Variants in FOXN1 observed in about 807,000 individuals in gnomAD.
FOXN1 encodes forkhead box protein N1.
FOXN1 carries 15 observed loss-of-function variants against 49.0 expected under a neutral mutation model. The observed-to-expected ratio is 0.31, with a 90% confidence interval of 0.20 to 0.47. FOXN1 has a LOEUF of 0.47. Among genes scored for constraint, FOXN1 ranks in the 20% least tolerant of loss-of-function variants. FOXN1 has a pLI of 1.00. For synonymous variants in FOXN1, 356 were observed against 369.0 expected (o/e 0.96, Z 0.40); for missense variants, 800 against 842.8 (o/e 0.95, Z 0.63).
intron 1 of FOXN1, among the ~76,000 whole-genome samples, chr17:28,507,070 G>A (rs987942348): frequency 1.3e-5 from 2 of 152,174 alleles, no homozygotes; most frequent in Non-Finnish European, 2.9e-5. Context: ...GGGCAGAGTC[G>A]CCTCCTATCC....
At chr17:28,528,309 A>G (rs1234309272) in intron 4 of FOXN1, among the ~76,000 whole-genome samples, 1 of 152,174 alleles carries the variant, frequency 6.6e-6, no homozygotes. Flanking sequence ...GGTCTGACCC[A>G]GGGTAGAGGA....
chr17:28,518,728 C>G (rs932199018), intron 1 of FOXN1, among the ~76,000 whole-genome samples: 1 of 152,120 alleles, frequency 6.6e-6, no homozygotes, highest in Non-Finnish European at 1.5e-5. Context: ...GGTCTTTGGT[C>G]AAGGTTTTGC....
Position 28,538,552 on chromosome 17 carries a change from CACCTG to C in FOXN1, c.*1117_*1121del. ...TGTAGCCCCATCATAAGTTGAGGAG[CACCTG>C]TTAGTTACTTCCAACTGTCTCAGGC... On this transcript the variant is annotated 3_prime_UTR_variant, in exon 9 of 9. Coordinates refer to ENST00000579795, the MANE Select transcript of FOXN1 (RefSeq NM_001369369.1). 6.6e-6 allele frequency: 1 copy of C among 152,214 alleles called. No individual in the cohort carries two copies. The highest frequency in any genetic ancestry group is 1.5e-5 in the Non-Finnish European group (1 of 68,040). 9.4% of individuals were successfully genotyped at this position (152,214 alleles called of 1,614,324 possible).
chr17:28,524,709 C>A lies in FOXN1; in HGVS notation c.330C>A (p.Ser110Arg). ...TTGGCTTTGAGGAGGCCGCAGCAAG[C>A]AGCCCTGGGCGATTCCTCAAGGGCA... Reference protein sequence around the residue: ...PGFGFEEAAASSPGRFLKGSH... With the variant: ...PGFGFEEAAARSPGRFLKGSH... The change falls in exon 3 of 9, where the codon AGC becomes AGA. Residue 110 changes from serine (S) to arginine (R), a missense_variant. Around this residue, in one of 3 missense-constraint regions of FOXN1, gnomAD observed 383 missense variants for 357.9 expected, o/e 1.07. Transcript: ENST00000579795. 6.2e-7 allele frequency: 1 copy of A among 1,612,552 alleles called. No individual in the cohort carries two copies. The highest frequency in any genetic ancestry group is 8.5e-7 in the Non-Finnish European group (1 of 1,179,462).
At chr17:28,518,604 G>A (rs2069578984) in intron 1 of FOXN1, among the ~76,000 whole-genome samples, 1 of 152,206 alleles carries the variant, frequency 6.6e-6, no homozygotes, top group Non-Finnish European at 1.5e-5. Flanking sequence ...TCAAGTCAAA[G>A]GGCCGTTTCT....
chr17:28,527,387 T>C lies in FOXN1; in HGVS notation c.699+26T>C, dbSNP rs779412826. ...GTGGGTCTGGGGCAAGTGGGCCTGC[T>C]TCCCCCAGGTCTGAGGATATCGTGT... On this transcript the variant is annotated intron_variant, in intron 4 of 8. Coordinates refer to ENST00000579795, the MANE Select transcript of FOXN1 (RefSeq NM_001369369.1). 3 of 1,317,928 alleles carry C rather than the reference T, an allele frequency of 2.3e-6. No homozygotes were observed. The East Asian group carries it at 7.0e-5, about 31-fold the overall frequency. 81.6% of individuals were successfully genotyped at this position (1,317,928 alleles called of 1,614,324 possible).
chr17:28,513,698 T>C (rs1401569949), intron 1 of FOXN1, among the ~76,000 whole-genome samples: 1 of 152,226 alleles, frequency 6.6e-6, no homozygotes, highest in Admixed American at 6.5e-5. Context: ...TGGGAGTATT[T>C]ATACCTCGAT....
rs368285745 is a variant in FOXN1, at chr17:28,527,351, C to G, written c.689C>G (p.Pro230Arg). ...CATATGTACTGCTCCTCCCAGCCCC[C>G]CTTCCACCAGGTGGGTCTGGGGCAA... is the stretch of plus-strand genomic sequence containing the variant. The part of the protein sequence containing the change: ...LQHMYCSSQP[P>R]FHQYSPGGGS... Residue 230 changes from proline to arginine, a missense_variant, in exon 4 of 9, where the codon CCC becomes CGC. Pro to Arg is a moderately radical substitution (Grantham distance 103). Transcript: ENST00000579795. The G allele has an allele frequency of 6.6e-5, 106 of 1,608,418 alleles. 1 individual carries two copies. The East Asian group carries it at 1.3e-3, about 19-fold the overall frequency.
intron 6 of FOXN1, among the ~76,000 whole-genome samples, chr17:28,533,812 C>T (rs552554014): frequency 2.6e-5 from 4 of 152,210 alleles, no homozygotes; most frequent in East Asian, 1.9e-4. Context: ...TCACCAACCT[C>T]GCCCATCTTT....
chr17:28,531,091 C>T (rs2069902021), intron 6 of FOXN1, among the ~76,000 whole-genome samples: 1 of 152,216 alleles, frequency 6.6e-6, no homozygotes, highest in Admixed American at 6.5e-5. Context: ...GGAGTCAGAC[C>T]TTCTGCTGGG....
chr17:28,528,792 C>G (rs559365092), intron 4 of FOXN1, among the ~76,000 whole-genome samples: 4 of 152,266 alleles, frequency 2.6e-5, no homozygotes, highest in Admixed American at 6.5e-5. Flanking sequence ...GTGCAGGGGC[C>G]GAGGGCTTCA....
intron 1 of FOXN1, among the ~76,000 whole-genome samples, chr17:28,519,616 G>A (rs1405647296): frequency 1.3e-5 from 2 of 152,196 alleles, no homozygotes; most frequent in Non-Finnish European, 2.9e-5. Flanking sequence ...AACTGGAACA[G>A]GCAGGATAAA....
At position 28,535,209 on chromosome 17, in the gene FOXN1, G is replaced by T; in HGVS notation, c.1627+11G>T. Reference sequence around the variant, plus strand: ...ACTTCGACTTCCAGGGTGAGCTGGGGGTGGGAAAGGGAAGGTGGGACAGGA... The same window carrying T: ...ACTTCGACTTCCAGGGTGAGCTGGGTGTGGGAAAGGGAAGGTGGGACAGGA... On this transcript the variant is annotated intron_variant, in intron 8 of 8. Transcript: ENST00000579795. 1.2e-6 allele frequency: 2 copies of T among 1,611,978 alleles called. No homozygotes were observed. The highest frequency in any genetic ancestry group is 1.7e-6 in the Non-Finnish European group (2 of 1,179,858).
intron 1 of FOXN1, 59 bp downstream of exon 1, chr17:28,506,502 G>A (rs1259058803): frequency 3.3e-5 from 5 of 152,464 alleles, no homozygotes; most frequent in African/African-American, 9.6e-5. Context: ...GCTGGGGCAC[G>A]GGGAGGGCGT....
intron 1 of FOXN1, among the ~76,000 whole-genome samples, chr17:28,521,276 G>C (rs1163453874): frequency 6.6e-6 from 1 of 152,192 alleles, no homozygotes; most frequent in Non-Finnish European, 1.5e-5. Flanking sequence ...TACCCCACCT[G>C]CAGGGAGGGG....
intron 8 of FOXN1, 104 bp from the exon 9 acceptor site, chr17:28,537,013 T>C (rs2070082996): frequency 2.2e-6 from 2 of 910,172 alleles, no homozygotes; most frequent in Non-Finnish European, 1.8e-6. Flanking sequence ...CATGTCACCC[T>C]GACCCCTGCT....
rs759297920 is a variant in FOXN1, at chr17:28,527,311, C to A, written c.649C>A (p.Gln217Lys). The A allele has an allele frequency of 1.8e-4, 290 of 1,613,918 alleles. No homozygotes were observed. Among genetic ancestry groups the A allele is most frequent in the Non-Finnish European group, 2.4e-4 (283 of 1,179,946 alleles). Reference sequence around the variant, plus strand: ...GAGTGGTGCTGGGATGTTCTGCTACCAGCCTCCCTTGCAGCATATGTACTG... The same window carrying A: ...GAGTGGTGCTGGGATGTTCTGCTACAAGCCTCCCTTGCAGCATATGTACTG... ...LESGAGMFCY[Q>K]PPLQHMYCSS... is the part of the protein sequence containing the mutation. The change falls in exon 4 of 9, where the codon CAG (glutamine) becomes AAG (lysine). Residue 217 changes from glutamine to lysine, a missense_variant. Coordinates refer to ENST00000579795, the MANE Select transcript of FOXN1 (RefSeq NM_001369369.1).
chr17:28,524,809 C>G lies in FOXN1; in HGVS notation c.430C>G (p.Leu144Val). The G allele has an allele frequency of 6.2e-7, 1 of 1,613,818 alleles. No individual in the cohort carries two copies. Among genetic ancestry groups the G allele is most frequent in the South Asian group, 1.1e-5 (1 of 91,082 alleles). ...CCCAGAGGCCGAGACCACCCTGGCC[C>G]TCAAAGGACACTCCTTTAAGACCCC... ...VFPEAETTLA[L>V]KGHSFKTPGP... Residue 144 changes from leucine to valine, a missense_variant, in exon 3 of 9, where the codon CTC (leucine) becomes GTC (valine). Coordinates refer to ENST00000579795, the MANE Select transcript of FOXN1 (RefSeq NM_001369369.1).
At chr17:28,520,533 G>A (rs939008790) in intron 1 of FOXN1, among the ~76,000 whole-genome samples, 1 of 152,192 alleles carries the variant, frequency 6.6e-6, no homozygotes, top group Admixed American at 6.5e-5. Flanking sequence ...AAATTAAGGG[G>A]TGGGCCTCTG....
Sources: allele counts gnomAD v4.1 joint callset (sites outside exome capture counted in the v4.1 genomes callset), GRCh38; gene constraint gnomAD v4.1.1; regional missense constraint gnomAD v4.1.1; transcripts MANE v1.5; gene names NCBI Gene and HGNC (gene_info 2026-07-23, HGNC 2026-07-21).